LRRC8B: variants seen among roughly 807,000 people sequenced by gnomAD.
LRRC8B encodes the protein volume-regulated anion channel subunit LRRC8B.
LRRC8B carries 23 observed loss-of-function variants against 58.8 expected under a neutral mutation model. The observed-to-expected ratio is 0.39, with a 90% CI of 0.28 to 0.55. The LOEUF (loss-of-function observed/expected upper bound fraction) is 0.55, where lower values mean the gene tolerates loss of function less well. LRRC8B is among the 20% of genes least tolerant of loss of function. LRRC8B has a pLI of 0.62. For synonymous variants in LRRC8B, 359 were observed against 374.1 expected (o/e 0.96, Z 0.47); for missense variants, 694 against 936.0 (o/e 0.74, Z 3.37).
At chr1:89,561,845 G>T (rs1213278926) in intron 1 of LRRC8B, among the ~76,000 whole-genome samples, 4 of 151,120 alleles carry the variant, frequency 2.6e-5, no homozygotes, top group Non-Finnish European at 4.4e-5. Context: ...TTGTTCTTTT[G>T]GCTTAGGATT....
At chr1:89,585,927 T>G (rs150052394) in intron 5 of LRRC8B, among the ~76,000 whole-genome samples, 720 of 152,338 alleles carry the variant, frequency 4.7e-3, no homozygotes, top group Non-Finnish European at 7.3e-3. Context: ...ATATTAATCA[T>G]ACATTATTTT....
intron 1 of LRRC8B, among the ~76,000 whole-genome samples, chr1:89,540,743 G>T (rs561432987): frequency 6.6e-6 from 1 of 152,214 alleles, no homozygotes; most frequent in Admixed American, 6.5e-5. Context: ...TGGCAACTGT[G>T]TGGAGGGTGT....
chr1:89,574,601 C>G (rs959220466), intron 3 of LRRC8B, among the ~76,000 whole-genome samples: 10 of 152,090 alleles, frequency 6.6e-5, no homozygotes, highest in African/African-American at 2.4e-4. Flanking sequence ...TTTTAACTCC[C>G]CTTTTTTTTT....
intron 1 of LRRC8B, among the ~76,000 whole-genome samples, chr1:89,562,262 C>T (rs1028090071): frequency 2.6e-5 from 4 of 151,820 alleles, no homozygotes; most frequent in African/African-American, 2.4e-5. Flanking sequence ...CTATTATTGC[C>T]GTCCTTGATG....
intron 1 of LRRC8B, among the ~76,000 whole-genome samples, chr1:89,543,396 C>T (rs1651162594): frequency 6.6e-6 from 1 of 152,002 alleles, no homozygotes. Context: ...TTCTGTTGTG[C>T]ATGAAGGTAA....
In LRRC8B at chr1:89,596,207, T is replaced by C. The variant is rs1381046864; in HGVS notation, c.*3164T>C. 6.6e-6 allele frequency: 1 copy of C among 152,138 alleles called. No individual in the cohort carries two copies. The highest frequency in any genetic ancestry group is 1.5e-5 in the Non-Finnish European group (1 of 67,972). 9.4% of individuals were successfully genotyped at this position (152,138 alleles called of 1,614,324 possible). On this transcript the variant is annotated 3_prime_UTR_variant, in exon 6 of 6. Transcript: ENST00000330947. ...CCTTAATCTGAGAACCTAAGTGTTT[T>C]TGAGCATTCCAGTAAAGGAGTAGTG...
intron 3 of LRRC8B, among the ~76,000 whole-genome samples, chr1:89,571,781 T>C (rs1318574503): frequency 6.6e-6 from 1 of 151,268 alleles, no homozygotes; most frequent in Non-Finnish European, 1.5e-5. Flanking sequence ...CTTTCTTTCT[T>C]TTTTTTTTCT....
chr1:89,544,541 A>G (rs187453595), intron 1 of LRRC8B, among the ~76,000 whole-genome samples: 2 of 152,208 alleles, frequency 1.3e-5, no homozygotes, highest in Non-Finnish European at 1.5e-5. Context: ...GAGTTTTACA[A>G]AATTTAAGCC....
intron 1 of LRRC8B, among the ~76,000 whole-genome samples, chr1:89,527,538 C>T (rs1330022969): frequency 6.6e-6 from 1 of 152,186 alleles, no homozygotes; most frequent in African/African-American, 2.4e-5. Flanking sequence ...TTGGGAGACC[C>T]AGTTATAGTG....
chr1:89,542,121 C>T (rs1651045091), intron 1 of LRRC8B, among the ~76,000 whole-genome samples: 1 of 152,080 alleles, frequency 6.6e-6, no homozygotes. Flanking sequence ...TAGACAGAGA[C>T]CTCCTGGCCT....
At chr1:89,571,698 T>G (rs1653485104) in intron 3 of LRRC8B, among the ~76,000 whole-genome samples, 1 of 152,174 alleles carries the variant, frequency 6.6e-6, no homozygotes, top group African/African-American at 2.4e-5. Context: ...CTTGCCTGAT[T>G]GCCCGGCAAA....
chr1:89,534,368 G>A (rs954893182), intron 1 of LRRC8B, among the ~76,000 whole-genome samples: 8 of 152,114 alleles, frequency 5.3e-5, no homozygotes, highest in Admixed American at 2.6e-4. Flanking sequence ...TTTAAGAAAC[G>A]TATAAATAAG....
intron 1 of LRRC8B, among the ~76,000 whole-genome samples, chr1:89,531,218 C>T (rs1398507953): frequency 1.3e-5 from 2 of 152,166 alleles, no homozygotes; most frequent in African/African-American, 4.8e-5. Flanking sequence ...AGAAGCATTT[C>T]TGAATCATGT....
In LRRC8B at chr1:89,582,250, A is replaced by G. The variant is rs542653212; in HGVS notation, c.-26-375A>G. ...AGAAAAAAAGAAAGAAAGAAAGAAAAAAATATTAGTAGCATAGGAACAAGT... is the reference window on the plus strand; with the variant it reads ...AGAAAAAAAGAAAGAAAGAAAGAAAGAAATATTAGTAGCATAGGAACAAGT... On this transcript the variant is annotated intron_variant, in intron 4 of 5. Coordinates refer to ENST00000330947, the MANE Select transcript of LRRC8B (RefSeq NM_001369817.2). Among the ~76,000 whole-genome samples, 641 of 134,212 alleles carry G rather than the reference A, an allele frequency of 4.8e-3. 4 individuals are homozygous for G. The highest frequency in any genetic ancestry group is 8.1e-3 in the South Asian group (31 of 3,850). 88.0% of individuals were successfully genotyped at this position (134,212 alleles called of 152,430 possible). A position where few individuals can be genotyped will look rare whatever the true frequency, so the allele number is the denominator to read the frequency against.
chr1:89,538,717 T>TTTTGTTTG (rs56350075), intron 1 of LRRC8B, among the ~76,000 whole-genome samples: 2 of 151,688 alleles, frequency 1.3e-5, no homozygotes, highest in Non-Finnish European at 2.9e-5. Context: ...CGAGGTTTTT[T>TTTTGTTTG]TTTGTTTGTT....
At chr1:89,585,849 C>T (rs1243844734) in intron 5 of LRRC8B, among the ~76,000 whole-genome samples, 3 of 152,032 alleles carry the variant, frequency 2.0e-5, no homozygotes, top group South Asian at 2.1e-4. Flanking sequence ...AATGTATTAT[C>T]TTTTAGACTT....
At chr1:89,545,170 T>G (rs1315440134) in intron 1 of LRRC8B, among the ~76,000 whole-genome samples, 2 of 152,222 alleles carry the variant, frequency 1.3e-5, no homozygotes, top group African/African-American at 4.8e-5. Context: ...CATTCCCTTT[T>G]TTCCTGTTGG....
intron 1 of LRRC8B, among the ~76,000 whole-genome samples, chr1:89,538,915 T>C (rs574753661): frequency 7.9e-5 from 12 of 152,102 alleles, no homozygotes; most frequent in African/African-American, 2.9e-4. Context: ...AGAGATGGGG[T>C]TTCGCCATGT....
chr1:89,565,004 T>C (rs1177881987), intron 1 of LRRC8B, among the ~76,000 whole-genome samples: 1 of 152,224 alleles, frequency 6.6e-6, no homozygotes, highest in Non-Finnish European at 1.5e-5. Context: ...GTGATCATTA[T>C]CAGACGTTAT....
Sources: gnomAD v4.1 joint callset for allele counts (sites outside exome capture counted in the v4.1 genomes callset) on GRCh38, gnomAD v4.1.1 for gene constraint, MANE v1.5 for transcripts, NCBI Gene and HGNC (gene_info 2026-07-23, HGNC 2026-07-21) for gene names.